Variants in FCSK observed in about 807,000 individuals in gnomAD.
FCSK encodes fucose kinase, also known as L-fucose kinase.
A neutral mutation model predicts 122.5 loss-of-function variants in FCSK; 123 were observed. The observed-to-expected ratio is 1.00, with a 90% CI of 0.87 to 1.17. The LOEUF is 1.17. FCSK is among the 50% of genes most tolerant of loss of function. The pLI is 0.00. For missense variants in FCSK, 1,366 were observed against 1,450.4 expected, an observed-to-expected ratio of 0.94 and a Z score of 0.95; for synonymous variants, 620 against 625.5, an observed-to-expected ratio of 0.99 and a Z score of 0.13.
intron 1 of FCSK, 113 bp from the exon 2 acceptor site, chr16:70,463,056 A>G: frequency 1.6e-6 from 1 of 616,914 alleles, no homozygotes; most frequent in East Asian, 3.0e-5. Context: ...GTAGATGGTG[A>G]TACCAACACG....
chr16:70,469,423 C>T (rs1350673880), intron 10 of FCSK, 100 bp downstream of exon 10: 4 of 1,174,958 alleles, frequency 3.4e-6, no homozygotes, highest in Non-Finnish European at 3.5e-6. Context: ...CAGCCCAGCA[C>T]AGGGACTGGG....
Position 70,475,732 on chromosome 16 carries a change from A to G in FCSK, c.2606A>G (p.His869Arg). ...GRVVGTEALI[H>R]AVLHLEQVLT... is the part of the protein sequence containing the mutation. ...GTGGTGGGCACGGAAGCCCTGATCC[A>G]CGCAGTGCTGCACCTGGAGCAGGTG... The change falls in exon 20 of 24, where the codon CAC (histidine) becomes CGC (arginine). Residue 869 changes from histidine to arginine, a missense_variant. His to Arg is a conservative substitution (Grantham distance 29). Coordinates refer to ENST00000288078, the MANE Select transcript of FCSK (RefSeq NM_145059.3). 2.5e-6 allele frequency: 4 copies of G among 1,602,590 alleles called. No individual in the cohort carries two copies. Among genetic ancestry groups the G allele is most frequent in the Non-Finnish European group, 3.4e-6 (4 of 1,174,928 alleles).
chr16:70,457,059 C>T (rs112983736), intron 1 of FCSK, among the ~76,000 whole-genome samples: 2 of 151,878 alleles, frequency 1.3e-5, no homozygotes, highest in African/African-American at 4.8e-5. Flanking sequence ...CAGGATCCTA[C>T]AGGAAGCAGG....
intron 3 of FCSK, 66 bp downstream of exon 3, chr16:70,463,840 C>T (rs2048338048): frequency 6.7e-7 from 1 of 1,499,734 alleles, no homozygotes; most frequent in Non-Finnish European, 9.0e-7. Flanking sequence ...TTTCTGAGAT[C>T]CCCAGCTCCT....
In FCSK at chr16:70,467,954, G is replaced by A; in HGVS notation, c.651G>A (p.Gly217=). ...TTCAGCGGTGTGTCAGGCCTGATGG[G>A]CGGGTGCCACTGGTATGGCTGCTGG... ...AEIQRCVRPD[G]RVPLVSGVVF... is the part of the protein sequence containing the mutation. Residue 217 remains glycine, a synonymous_variant, in exon 8 of 24, where the codon GGG becomes GGA. Coordinates refer to ENST00000288078, the MANE Select transcript of FCSK (RefSeq NM_145059.3). 1 of 1,614,048 alleles carries A rather than the reference G, an allele frequency of 6.2e-7. No individual in the cohort carries two copies. The highest frequency in any genetic ancestry group is 8.5e-7 in the Non-Finnish European group (1 of 1,179,908).
chr16:70,463,567 C>A (rs1435706405), intron 2 of FCSK, 56 bp from the exon 3 acceptor site: 2 of 1,598,316 alleles, frequency 1.3e-6, no homozygotes. Flanking sequence ...TGCTTACGTG[C>A]TTTGGGCCAG....
At position 70,478,348 on chromosome 16, in the gene FCSK, GA is replaced by G. The variant is rs766205864; in HGVS notation, c.2720del (p.Lys907ArgfsTer4). ...VGRSRAQLPL[K>X]VEVEEVTVPE... ...GGCGCTCCCGGGCTCAGCTGCCACTGAAGGTGGAGGTAGAAGAGGTCACGGT... is the reference window on the plus strand; with the variant it reads ...GGCGCTCCCGGGCTCAGCTGCCACTGAGGTGGAGGTAGAAGAGGTCACGGT... On this transcript the variant is annotated frameshift_variant, in exon 21 of 24. Transcript: ENST00000288078. LOFTEE classifies it high-confidence loss of function. 8 of 1,614,244 alleles carry G rather than the reference GA, an allele frequency of 5.0e-6. No individual in the cohort carries two copies. Among genetic ancestry groups the G allele is most frequent in the Non-Finnish European group, 6.8e-6 (8 of 1,180,050 alleles).
At chr16:70,468,062 G>C in intron 8 of FCSK, 96 bp downstream of exon 8, 1 of 896,658 alleles carries the variant, frequency 1.1e-6, no homozygotes, top group Non-Finnish European at 1.8e-6. Context: ...AAGCCTCCAG[G>C]ACAAGCTAGA....
chr16:70,466,937 CTG>C lies in FCSK; in HGVS notation c.469_470del (p.Val157SerfsTer35). On this transcript the variant is annotated frameshift_variant, in exon 6 of 24. Coordinates refer to ENST00000288078, the MANE Select transcript of FCSK (RefSeq NM_145059.3). LOFTEE classifies it high-confidence loss of function. The stretch of plus-strand genomic sequence containing the variant: ...GTCTGCAGCACCGACATGCTGCTGT[CTG>C]TTCCTGCAAATCCTGGTGAGCCTGA... 1 of 1,613,956 alleles carries C rather than the reference CTG, an allele frequency of 6.2e-7. No homozygotes were observed. Among genetic ancestry groups the C allele is most frequent in the Non-Finnish European group, 8.5e-7 (1 of 1,180,016 alleles).
chr16:70,462,941 G>A (rs867043316), intron 1 of FCSK, among the ~76,000 whole-genome samples: 5 of 152,142 alleles, frequency 3.3e-5, no homozygotes, highest in Non-Finnish European at 5.9e-5. Flanking sequence ...CTCTGCACCC[G>A]GCCGACATTT....
chr16:70,471,123 A>G (rs2048601671), intron 12 of FCSK, 51 bp downstream of exon 12: 5 of 1,592,626 alleles, frequency 3.1e-6, no homozygotes, highest in African/African-American at 1.3e-5. Context: ...GGCATCCCGC[A>G]TGTGTTGGGG....
Position 70,475,478 on chromosome 16 carries a change from C to G in FCSK, c.2506C>G (p.His836Asp). The change falls in exon 19 of 24, where the codon CAC becomes GAC. Residue 836 changes from histidine (H) to aspartate (D), a missense_variant. Transcript: ENST00000288078. ...FELHTWSELP[H>D]GSGLGTSSIL... The stretch of plus-strand genomic sequence containing the variant: ...GCTGCACACCTGGTCTGAGCTGCCC[C>G]ACGGCTCTGGCCTGGGTGAGCGGGC... 5 of 1,604,206 alleles carry G rather than the reference C, an allele frequency of 3.1e-6. No homozygotes were observed. The highest frequency in any genetic ancestry group is 4.2e-6 in the Non-Finnish European group (5 of 1,178,822).
Position 70,463,217 on chromosome 16 carries a change from G to A in FCSK, c.27G>A (p.Trp9Ter). The change falls in exon 2 of 24, where the codon TGG becomes TGA. Residue 9 changes from tryptophan (W) to a stop codon, truncating the protein, a stop_gained. Coordinates refer to ENST00000288078, the MANE Select transcript of FCSK (RefSeq NM_145059.3). LOFTEE classifies it high-confidence loss of function. MEQPKGVD[W>*]TVIILTCQYK... The stretch of plus-strand genomic sequence containing the variant: ...TGGAGCAGCCGAAGGGAGTTGATTG[G>A]ACAGTCATCATCCTGACCTGCCAGT... The A allele has an allele frequency of 6.2e-7, 1 of 1,614,058 alleles. No individual in the cohort carries two copies.
intron 1 of FCSK, chr16:70,454,858 G>T (rs1186996410): frequency 6.6e-6 from 1 of 152,240 alleles, no homozygotes; most frequent in Non-Finnish European, 1.5e-5. Context: ...GGGGAGCCCC[G>T]CGACCCGGCT....
At chr16:70,461,709 C>T (rs772583025) in intron 1 of FCSK, among the ~76,000 whole-genome samples, 1 of 152,196 alleles carries the variant, frequency 6.6e-6, no homozygotes, top group Non-Finnish European at 1.5e-5. Context: ...TAGGCATTTG[C>T]TCTCGCCTTC....
Position 70,474,237 on chromosome 16 carries a change from C to G in FCSK, c.1886C>G (p.Ala629Gly), listed in dbSNP as rs373907136. 5.8e-5 allele frequency: 93 copies of G among 1,608,514 alleles called. No individual in the cohort carries two copies. In the African/African-American group the frequency reaches 1.1e-3, roughly 19 times the overall value. Reference protein sequence around the residue: ...EGRGGLRSGPAANPEWMRPFS... With the variant: ...EGRGGLRSGPGANPEWMRPFS... ...CGTGGGGGCTTGCGGAGCGGGCCAG[C>G]TGCCAACCCTGAGTGGATGCGGCCC... Residue 629 changes from alanine (A) to glycine (G), a missense_variant, in exon 16 of 24, where the codon GCT becomes GGT. Ala to Gly is a moderately conservative substitution (Grantham distance 60). Transcript: ENST00000288078.
At chr16:70,463,021 G>T in intron 1 of FCSK, 148 bp from the exon 2 acceptor site, 1 of 498,900 alleles carries the variant, frequency 2.0e-6, no homozygotes, top group Non-Finnish European at 3.6e-6. Context: ...GGGAGGAGAG[G>T]TTGCATGAGG....
Position 70,474,413 on chromosome 16 carries a change from C to T in FCSK, c.1988+74C>T, listed in dbSNP as rs888104394. The T allele has an allele frequency of 3.8e-6, 6 of 1,563,302 alleles. No individual in the cohort carries two copies. In the African/African-American group the frequency reaches 8.1e-5, roughly 21 times the overall value. ...GGGAAGTGGACCCTGATGGAGGAAA[C>T]CCAGAGAGAGGTGGGGCTCCCTTGG... On this transcript the variant is annotated intron_variant, in intron 16 of 23. Coordinates refer to ENST00000288078, the MANE Select transcript of FCSK (RefSeq NM_145059.3).
chr16:70,475,163 A>G, intron 18 of FCSK, 152 bp downstream of exon 18: 1 of 987,946 alleles, frequency 1.0e-6, no homozygotes, highest in Admixed American at 2.6e-5. Flanking sequence ...GTCAACCTGC[A>G]AAGATGACAC....
Sources: allele counts gnomAD v4.1 joint callset (sites outside exome capture counted in the v4.1 genomes callset), GRCh38; gene constraint gnomAD v4.1.1; transcripts MANE v1.5; gene names NCBI Gene and HGNC (gene_info 2026-07-23, HGNC 2026-07-21).